KATNIP: variants seen among roughly 807,000 people sequenced by gnomAD.
KATNIP encodes katanin-interacting protein.
In KATNIP, 126 loss-of-function variants were observed where a neutral mutation model predicts 174.0. That is an observed-to-expected ratio of 0.72 (90% CI 0.63 to 0.84). KATNIP has a LOEUF of 0.84. Among genes scored for constraint, KATNIP ranks in the 40% least tolerant of loss-of-function variants. The pLI, the probability that KATNIP is intolerant of heterozygous loss-of-function variation, is 0.00. For missense variants in KATNIP, 1,958 were observed against 2,109.7 expected (o/e 0.93, Z 1.41); for synonymous variants, 810 against 835.7 (o/e 0.97, Z 0.53).
chr16:27,610,102 G>A (rs754369021), intron 2 of KATNIP, among the ~76,000 whole-genome samples: 1 of 152,118 alleles, frequency 6.6e-6, no homozygotes, highest in Non-Finnish European at 1.5e-5. Flanking sequence ...CACTGGGATG[G>A]CCTTGCCCTT....
chr16:27,674,767 C>T (rs2078051369), intron 6 of KATNIP, among the ~76,000 whole-genome samples: 1 of 152,192 alleles, frequency 6.6e-6, no homozygotes, highest in East Asian at 1.9e-4. Context: ...ATCCAGCCTA[C>T]CACAGCCCAC....
chr16:27,552,531 T>C (rs561376316), intron 1 of KATNIP, among the ~76,000 whole-genome samples: 2 of 144,170 alleles, frequency 1.4e-5, no homozygotes, highest in South Asian at 2.2e-4. Flanking sequence ...TGAACCACCA[T>C]GCCCAGCTAA....
chr16:27,773,607 G>A (rs12919220), intron 23 of KATNIP, among the ~76,000 whole-genome samples: 16,386 of 152,232 alleles, frequency 0.11, 1,132 homozygotes, highest in Middle Eastern at 0.2. Context: ...TTTGTGCATA[G>A]TATGCCCACA....
chr16:27,682,452 G>A lies in KATNIP; in HGVS notation c.940+922G>A, dbSNP rs552196174. On this transcript the variant is annotated intron_variant, in intron 8 of 27. Transcript: ENST00000261588. The stretch of plus-strand genomic sequence containing the variant: ...TCAACAAGATTCTTCTGGCTGCCAC[G>A]TGGAGCCTGGCCTATAGGGAGCTGG... 1.4e-4 allele frequency among the ~76,000 whole-genome samples: 21 copies of A among 152,314 alleles called. No individual in the cohort carries two copies. In the East Asian group the frequency reaches 3.5e-3, roughly 25 times the overall value.
chr16:27,568,727 T>G (rs2090178194), intron 1 of KATNIP, among the ~76,000 whole-genome samples: 2 of 152,216 alleles, frequency 1.3e-5, no homozygotes, highest in Non-Finnish European at 2.9e-5. Flanking sequence ...CCTCCCAAAG[T>G]GCTGGGATTA....
chr16:27,684,840 C>A (rs2078467003), intron 8 of KATNIP, among the ~76,000 whole-genome samples: 1 of 152,140 alleles, frequency 6.6e-6, no homozygotes, highest in Non-Finnish European at 1.5e-5. Context: ...CAGATGAATG[C>A]CCAACCTAAT....
At chr16:27,714,765 T>G (rs2079850331) in intron 13 of KATNIP, among the ~76,000 whole-genome samples, 2 of 152,232 alleles carry the variant, frequency 1.3e-5, no homozygotes, top group African/African-American at 4.8e-5. Flanking sequence ...ACAAAATGTT[T>G]ACTCTGAAAA....
intron 2 of KATNIP, among the ~76,000 whole-genome samples, chr16:27,575,971 G>A (rs1265713690): frequency 6.6e-6 from 1 of 152,136 alleles, no homozygotes; most frequent in East Asian, 1.9e-4. Context: ...AGACCCTGAG[G>A]TAGAGGAGCA....
intron 3 of KATNIP, among the ~76,000 whole-genome samples, chr16:27,621,272 G>A (rs2076186131): frequency 6.6e-6 from 1 of 151,698 alleles, no homozygotes. Context: ...GATAGAGTGA[G>A]ACACTGTCTC....
intron 6 of KATNIP, among the ~76,000 whole-genome samples, chr16:27,653,554 G>A (rs1188118122): frequency 1.3e-5 from 2 of 151,802 alleles, no homozygotes; most frequent in Admixed American, 1.3e-4. Context: ...TGCTGTTTGG[G>A]GTTACCATAT....
At chr16:27,588,398 T>C (rs2090982834) in intron 2 of KATNIP, among the ~76,000 whole-genome samples, 1 of 152,162 alleles carries the variant, frequency 6.6e-6, no homozygotes, top group African/African-American at 2.4e-5. Flanking sequence ...TAGAATAATC[T>C]ATATTTAAGA....
chr16:27,733,564 G>GACACACACAC (rs10558929), intron 14 of KATNIP, among the ~76,000 whole-genome samples: 9 of 143,280 alleles, frequency 6.3e-5, no homozygotes, highest in African/African-American at 2.4e-4. Context: ...AAACAAGAAG[G>GACACACACAC]ACACACACAC....
intron 18 of KATNIP, among the ~76,000 whole-genome samples, chr16:27,756,891 T>C (rs78687910): frequency 0.017 from 2,582 of 152,286 alleles, 79 homozygotes; most frequent in African/African-American, 0.059. Context: ...TCTCTTGACA[T>C]TCTCCCATTC....
intron 6 of KATNIP, among the ~76,000 whole-genome samples, chr16:27,652,105 C>T (rs997263229): frequency 1.8e-4 from 28 of 152,208 alleles, no homozygotes; most frequent in African/African-American, 6.8e-4. Flanking sequence ...TCCAGTGTAC[C>T]ACCATCCTGG....
chr16:27,679,613 G>A (rs574060952), intron 7 of KATNIP, among the ~76,000 whole-genome samples: 20 of 152,110 alleles, frequency 1.3e-4, no homozygotes, highest in African/African-American at 4.3e-4. Context: ...TTAGCCAGAC[G>A]TAGTAGTGCA....
chr16:27,567,780 G>A (rs1036332520), intron 1 of KATNIP, among the ~76,000 whole-genome samples: 3 of 151,984 alleles, frequency 2.0e-5, no homozygotes, highest in Admixed American at 1.3e-4. Flanking sequence ...CACCCGCCTC[G>A]GCCTCCCAAA....
chr16:27,677,925 A>C lies in KATNIP; in HGVS notation c.737A>C (p.Gln246Pro). The change falls in exon 7 of 28, where the codon CAG becomes CCG. Residue 246 changes from glutamine (Q) to proline (P), a missense_variant. Gln to Pro is a moderately conservative substitution (Grantham distance 76). Transcript: ENST00000261588. ...ACTCAGAAAGATGTTCACGGGGAAC[A>C]GGAGACAGAAGGACGCTCTTCTCCA... ...DWTQKDVHGE[Q>P]ETEGRSSPGP... The C allele has an allele frequency of 6.2e-7, 1 of 1,614,204 alleles. No individual in the cohort carries two copies.
intron 2 of KATNIP, among the ~76,000 whole-genome samples, chr16:27,588,327 AGT>A (rs1396851110): frequency 2.0e-5 from 3 of 152,130 alleles, no homozygotes; most frequent in Admixed American, 6.6e-5. Flanking sequence ...AATAAGCTTA[AGT>A]GTATAGTTTT....
chr16:27,742,730 C>G (rs954998113), intron 15 of KATNIP, among the ~76,000 whole-genome samples: 1 of 152,196 alleles, frequency 6.6e-6, no homozygotes, highest in Non-Finnish European at 1.5e-5. Context: ...ACACAGGAGC[C>G]CCCAAGAGAT....
Sources: allele counts gnomAD v4.1 joint callset (sites outside exome capture counted in the v4.1 genomes callset), GRCh38; gene constraint gnomAD v4.1.1; transcripts MANE v1.5; gene names NCBI Gene and HGNC (gene_info 2026-07-23, HGNC 2026-07-21).